Variants in VMP1 observed in about 807,000 individuals in gnomAD.
VMP1 encodes ectopic P-granules autophagy protein 3 homolog.
A neutral mutation model predicts 56.0 loss-of-function variants in VMP1; 11 were observed. The ratio of observed to expected loss-of-function variants is 0.20; its 90% confidence interval spans 0.12 to 0.32. VMP1 has a LOEUF of 0.32. Among genes scored for constraint, VMP1 ranks in the 10% least tolerant of loss-of-function variants. The pLI is 1.00. For missense variants in VMP1, 296 were observed against 490.3 expected (o/e 0.60, Z 3.74); for synonymous variants, 149 against 165.0 (o/e 0.90, Z 0.74).
chr17:59,737,222 C>A (rs1457825332), intron 3 of VMP1, among the ~76,000 whole-genome samples: 3 of 152,056 alleles, frequency 2.0e-5, no homozygotes, highest in Non-Finnish European at 4.4e-5. Flanking sequence ...TAAGATCAGG[C>A]TTTGGGTAAG....
chr17:59,764,900 AT>A, intron 5 of VMP1, 70 bp from the exon 6 acceptor site: 1 of 1,171,920 alleles, frequency 8.5e-7, no homozygotes, highest in South Asian at 2.8e-5. Context: ...TAATTAATAT[AT>A]TTTTAAAATA....
chr17:59,723,760 AG>A (rs1353583670), intron 1 of VMP1, among the ~76,000 whole-genome samples: 1 of 152,216 alleles, frequency 6.6e-6, no homozygotes, highest in Non-Finnish European at 1.5e-5. Flanking sequence ...AGAAGGAGGA[AG>A]GAAATGATAT....
intron 1 of VMP1, among the ~76,000 whole-genome samples, chr17:59,713,759 A>T (rs2034032566): frequency 7.0e-6 from 1 of 143,720 alleles, no homozygotes. Flanking sequence ...AAGGTATCTT[A>T]GGGCTGGGCA....
chr17:59,723,202 G>C (rs1349928459), intron 1 of VMP1, among the ~76,000 whole-genome samples: 1 of 152,128 alleles, frequency 6.6e-6, no homozygotes, highest in Non-Finnish European at 1.5e-5. Context: ...TATTCTTACA[G>C]CATATTCATA....
chr17:59,765,258 G>T, intron 6 of VMP1, 120 bp downstream of exon 6: 4 of 1,176,252 alleles, frequency 3.4e-6, no homozygotes, highest in Non-Finnish European at 4.7e-6. Flanking sequence ...TCAGTAACCA[G>T]CTACCTACTT....
intron 5 of VMP1, among the ~76,000 whole-genome samples, chr17:59,754,777 CT>C (rs2035775340): frequency 6.6e-6 from 1 of 152,178 alleles, no homozygotes; most frequent in African/African-American, 2.4e-5. Context: ...CATATATTAA[CT>C]CTGCTGAGCA....
chr17:59,736,759 A>G (rs2035033129), intron 3 of VMP1, among the ~76,000 whole-genome samples: 1 of 150,878 alleles, frequency 6.6e-6, no homozygotes, highest in African/African-American at 2.4e-5. Flanking sequence ...AAAAGAAACA[A>G]AGCCCGGGCA....
chr17:59,808,667 A>T, intron 7 of VMP1, 129 bp from the exon 8 acceptor site: 1 of 677,606 alleles, frequency 1.5e-6, no homozygotes, highest in Non-Finnish European at 2.5e-6. Context: ...AACCTACTGT[A>T]ATTTTTTTCA....
intron 7 of VMP1, among the ~76,000 whole-genome samples, chr17:59,807,325 G>C (rs2037879741): frequency 6.6e-6 from 1 of 151,206 alleles, no homozygotes; most frequent in East Asian, 2.0e-4. Context: ...AGCCTCCCGA[G>C]TAGCTGGGAC....
chr17:59,815,623 G>A (rs1023145247), intron 9 of VMP1, among the ~76,000 whole-genome samples: 7 of 152,122 alleles, frequency 4.6e-5, no homozygotes, highest in African/African-American at 1.7e-4. Flanking sequence ...GGAGGCCGAG[G>A]CAGGTGGATC....
intron 5 of VMP1, among the ~76,000 whole-genome samples, chr17:59,743,278 C>A (rs902145404): frequency 2.6e-5 from 4 of 152,174 alleles, no homozygotes; most frequent in African/African-American, 9.7e-5. Context: ...TGCCCCCAAA[C>A]CTTTCACAAC....
At chr17:59,838,190 T>A in intron 10 of VMP1, 105 bp from the exon 11 acceptor site, 5 of 576,056 alleles carry the variant, frequency 8.7e-6, no homozygotes, top group Non-Finnish European at 1.4e-5. Flanking sequence ...TCCTATCCAA[T>A]CCCTGCCTTT....
chr17:59,785,643 T>G (rs1409568265), intron 7 of VMP1, among the ~76,000 whole-genome samples: 2 of 140,532 alleles, frequency 1.4e-5, no homozygotes, highest in African/African-American at 5.4e-5. Flanking sequence ...TGAGCTGAGA[T>G]CACACCACTG....
At chr17:59,819,427 G>A (rs2038360698) in intron 10 of VMP1, among the ~76,000 whole-genome samples, 1 of 152,042 alleles carries the variant, frequency 6.6e-6, no homozygotes, top group Non-Finnish European at 1.5e-5. Flanking sequence ...ACTGGCATGA[G>A]CCACCATGCC....
At chr17:59,807,026 A>G (rs2037864599) in intron 7 of VMP1, among the ~76,000 whole-genome samples, 1 of 151,990 alleles carries the variant, frequency 6.6e-6, no homozygotes, top group Non-Finnish European at 1.5e-5. Context: ...TACTGTGGTA[A>G]TTTGGTAGGT....
chr17:59,827,300 C>A (rs1026222791), intron 10 of VMP1, among the ~76,000 whole-genome samples: 1 of 149,656 alleles, frequency 6.7e-6, no homozygotes, highest in African/African-American at 2.5e-5. Flanking sequence ...AATACTATCA[C>A]TTTTTTGGTT....
chr17:59,736,765 G>A lies in VMP1; in HGVS notation c.213-688G>A, dbSNP rs185276904. On this transcript the variant is annotated intron_variant, in intron 3 of 11. Transcript: ENST00000262291. ...TCTCTGAAAAAAAGAAACAAAGCCC[G>A]GGCATGGTGGCTCACGGCTGTAATC... 4.9e-3 allele frequency among the ~76,000 whole-genome samples: 749 copies of A among 151,614 alleles called. 30 individuals are homozygous for A. The highest frequency in any genetic ancestry group is 0.042 in the Admixed American group (643 of 15,196).
chr17:59,794,517 ATTT>A (rs71145572), intron 7 of VMP1, among the ~76,000 whole-genome samples: 770 of 43,060 alleles, frequency 0.018, 29 homozygotes, highest in African/African-American at 0.057. Context: ...CGCGCCCTGC[ATTT>A]TTTTTTTTTT....
chr17:59,829,259 C>T (rs1316851832), intron 10 of VMP1, among the ~76,000 whole-genome samples: 1 of 152,098 alleles, frequency 6.6e-6, no homozygotes, highest in African/African-American at 2.4e-5. Context: ...CAGTTAGCAC[C>T]TGTTCATTTA....
Sources: allele counts gnomAD v4.1 joint callset (sites outside exome capture counted in the v4.1 genomes callset), GRCh38; gene constraint gnomAD v4.1.1; transcripts MANE v1.5; gene names NCBI Gene and HGNC (gene_info 2026-07-23, HGNC 2026-07-21).